BCL2: variants seen among roughly 807,000 people sequenced by gnomAD.
The protein encoded by BCL2 is apoptosis regulator Bcl-2.
BCL2 carries 1 observed loss-of-function variant against 14.2 expected under a neutral mutation model. The observed-to-expected ratio is 0.07, with a 90% CI of 0.02 to 0.33. The LOEUF is 0.33. BCL2 is among the 10% of genes least tolerant of loss of function. The pLI is 0.99. For synonymous variants in BCL2, 151 were observed against 137.2 expected (o/e 1.10, Z -0.70); for missense variants, 247 against 305.9 (o/e 0.81, Z 1.44).
chr18:63,234,625 G>C (rs1910772950), intron 2 of BCL2, among the ~76,000 whole-genome samples: 1 of 152,184 alleles, frequency 6.6e-6, no homozygotes, highest in Non-Finnish European at 1.5e-5. Context: ...GGCCTTATCT[G>C]TGTGCTCATC....
Position 63,260,191 on chromosome 18 carries a change from A to G in BCL2, c.585+57891T>C, listed in dbSNP as rs143265596. ...CATCAGAAAAGCCTAACAACACTGT[A>G]GCCTTCACTACAATGCATAAGCATG... On this transcript the variant is annotated intron_variant, in intron 2 of 2. Coordinates refer to ENST00000333681, the MANE Select transcript of BCL2 (RefSeq NM_000633.3). 1.9e-3 allele frequency among the ~76,000 whole-genome samples: 284 copies of G among 152,338 alleles called. 1 individual carries two copies. The highest frequency in any genetic ancestry group is 6.7e-3 in the African/African-American group (280 of 41,574).
chr18:63,210,502 T>G (rs4987786), intron 2 of BCL2, among the ~76,000 whole-genome samples: 9,734 of 152,282 alleles, frequency 0.064, 452 homozygotes, highest in South Asian at 0.1. Context: ...TTTCCTTAAT[T>G]CATAATATTC....
At chr18:63,304,218 T>A (rs940869379) in intron 2 of BCL2, among the ~76,000 whole-genome samples, 2 of 152,216 alleles carry the variant, frequency 1.3e-5, no homozygotes, top group African/African-American at 4.8e-5. Context: ...TCACAAGAGA[T>A]GGGAGAGTTC....
chr18:63,186,434 C>A (rs540619577), intron 2 of BCL2, among the ~76,000 whole-genome samples: 3 of 152,326 alleles, frequency 2.0e-5, no homozygotes, highest in East Asian at 1.9e-4. Flanking sequence ...AAAACCATAG[C>A]ATTTTACTGT....
At chr18:63,319,014 A>G in intron 1 of BCL2, 62 bp from the exon 2 acceptor site, 2 of 1,171,944 alleles carry the variant, frequency 1.7e-6, no homozygotes, top group Non-Finnish European at 2.1e-6. Context: ...CCCTGTACAC[A>G]CTGAGTGAAA....
chr18:63,285,634 T>A (rs1307128159), intron 2 of BCL2, among the ~76,000 whole-genome samples: 1 of 152,168 alleles, frequency 6.6e-6, no homozygotes, highest in Non-Finnish European at 1.5e-5. Flanking sequence ...ATGTCAGCCA[T>A]GTGGTACGGT....
chr18:63,252,760 T>C (rs1039529794), intron 2 of BCL2, among the ~76,000 whole-genome samples: 6 of 152,172 alleles, frequency 3.9e-5, no homozygotes, highest in Admixed American at 1.3e-4. Flanking sequence ...CTTTTGTAAA[T>C]TGTCCAGTCT....
At chr18:63,296,556 G>C (rs557617509) in intron 2 of BCL2, among the ~76,000 whole-genome samples, 2 of 152,046 alleles carry the variant, frequency 1.3e-5, no homozygotes, top group African/African-American at 4.8e-5. Context: ...CTCCAGCCTC[G>C]GTCTCCCACA....
At chr18:63,191,484 G>A (rs755277647) in intron 2 of BCL2, among the ~76,000 whole-genome samples, 2 of 152,224 alleles carry the variant, frequency 1.3e-5, no homozygotes, top group Non-Finnish European at 2.9e-5. Context: ...AACTTTGTGA[G>A]ATTCCAGTAT....
chr18:63,244,679 C>T lies in BCL2; in HGVS notation c.585+73403G>A, dbSNP rs1220162378. 3.9e-5 allele frequency among the ~76,000 whole-genome samples: 6 copies of T among 152,322 alleles called. No individual in the cohort carries two copies. In the South Asian group the frequency reaches 8.3e-4, roughly 21 times the overall value. On this transcript the variant is annotated intron_variant, in intron 2 of 2. Transcript: ENST00000333681. ...ACTGTTCTAAAGTTAACTTCTCTGG[C>T]GTGCTACTTCAGCATTGAGAAACAG...
At chr18:63,302,485 A>T (rs1040203352) in intron 2 of BCL2, 24 of 985,180 alleles carry the variant, frequency 2.4e-5, no homozygotes, top group Non-Finnish European at 2.9e-5. Context: ...TGGCTTCCTT[A>T]TGAAATACCA....
intron 2 of BCL2, among the ~76,000 whole-genome samples, chr18:63,199,336 GAC>G (rs1475930471): frequency 1.5e-5 from 2 of 130,694 alleles, no homozygotes; most frequent in Non-Finnish European, 3.2e-5. Flanking sequence ...GCACACACAA[GAC>G]ACACAGGCAC....
In BCL2 at chr18:63,313,514, C is replaced by T. The variant is rs372397666; in HGVS notation, c.585+4568G>A. Among the ~76,000 whole-genome samples, 5 of 152,144 alleles carry T rather than the reference C, an allele frequency of 3.3e-5. No homozygotes were observed. The South Asian group carries it at 1.0e-3, about 32-fold the overall frequency. On this transcript the variant is annotated intron_variant, in intron 2 of 2. Coordinates refer to ENST00000333681, the MANE Select transcript of BCL2 (RefSeq NM_000633.3). Reference sequence around the variant, plus strand: ...TTACCTTAAAAAGGTTGAACAGAACCTTTGAATCTCAAATACAATATATCT... The same window carrying T: ...TTACCTTAAAAAGGTTGAACAGAACTTTTGAATCTCAAATACAATATATCT...
intron 2 of BCL2, among the ~76,000 whole-genome samples, chr18:63,144,739 G>A (rs1464777070): frequency 1.3e-5 from 2 of 152,166 alleles, no homozygotes; most frequent in African/African-American, 4.8e-5. Context: ...TGGGAGTTTG[G>A]GGCCACCCTG....
intron 2 of BCL2, among the ~76,000 whole-genome samples, chr18:63,204,568 C>T (rs1909781710): frequency 6.6e-6 from 1 of 152,136 alleles, no homozygotes. Flanking sequence ...CAGGCAAAAG[C>T]AGCAGTAAAA....
At position 63,128,202 on chromosome 18, in the gene BCL2, CT is replaced by C; in HGVS notation, c.*422del. On this transcript the variant is annotated 3_prime_UTR_variant, in exon 3 of 3. Transcript: ENST00000333681. The stretch of plus-strand genomic sequence containing the variant: ...AGCCAGCTTCCCCAATGATCAGGTC[CT>C]TTTTCCATCCGTCTGCTCTTCAGAT... The C allele has an allele frequency of 8.6e-6, 2 of 233,786 alleles. No homozygotes were observed. Among genetic ancestry groups the C allele is most frequent in the Admixed American group, 5.6e-5 (1 of 17,798 alleles). The allele number at this position is 233,786 out of a possible 1,614,324, so 14.5% of individuals were successfully genotyped here.
At chr18:63,255,783 T>TA (rs1290346166) in intron 2 of BCL2, among the ~76,000 whole-genome samples, 1 of 151,840 alleles carries the variant, frequency 6.6e-6, no homozygotes, top group African/African-American at 2.4e-5. Flanking sequence ...AGGAAGGTGC[T>TA]ATATATTACC....
At chr18:63,130,865 C>T (rs905415516) in intron 2 of BCL2, among the ~76,000 whole-genome samples, 2 of 152,168 alleles carry the variant, frequency 1.3e-5, no homozygotes, top group Admixed American at 6.5e-5. Flanking sequence ...GAAGGGCTTG[C>T]CTTGAGCCAT....
chr18:63,194,608 C>A (rs1201453865), intron 2 of BCL2, among the ~76,000 whole-genome samples: 1 of 152,094 alleles, frequency 6.6e-6, no homozygotes, highest in African/African-American at 2.4e-5. Flanking sequence ...TTGAGGTTGG[C>A]ACATCTCACA....
Sources: allele counts gnomAD v4.1 joint callset (sites outside exome capture counted in the v4.1 genomes callset), GRCh38; gene constraint gnomAD v4.1.1; transcripts MANE v1.5; gene names NCBI Gene and HGNC (gene_info 2026-07-23, HGNC 2026-07-21).